The following CACNA1E variants were observed in gnomAD, a reference collection of about 807,000 sequenced individuals.
The protein encoded by CACNA1E is calcium voltage-gated channel subunit alpha1 E, also known as voltage-dependent R-type calcium channel subunit alpha-1E.
CACNA1E carries 40 observed loss-of-function variants against 259.2 expected under a neutral mutation model. That is an observed-to-expected ratio of 0.15 (90% CI 0.12 to 0.20). The LOEUF (loss-of-function observed/expected upper bound fraction) is 0.20. Among genes scored for constraint, CACNA1E ranks in the 10% least tolerant of loss-of-function variants. CACNA1E has a pLI of 1.00. For missense variants in CACNA1E, 1,874 were observed against 3,040.1 expected (o/e 0.62, Z 9.02); for synonymous variants, 1,104 against 1,138.5 (o/e 0.97, Z 0.61).
intron 7 of CACNA1E, among the ~76,000 whole-genome samples, chr1:181,670,553 G>A (rs1572548570): frequency 6.6e-6 from 1 of 152,204 alleles, no homozygotes; most frequent in South Asian, 2.1e-4. Context: ...GCATTTGAGG[G>A]CATTTGGGGC....
intron 18 of CACNA1E, among the ~76,000 whole-genome samples, chr1:181,726,838 G>A (rs1175196333): frequency 6.6e-6 from 1 of 152,134 alleles, no homozygotes; most frequent in Non-Finnish European, 1.5e-5. Flanking sequence ...TTTAGACTAG[G>A]GTGGGGGAAG....
At chr1:181,693,672 A>G (rs1255136924) in intron 7 of CACNA1E, among the ~76,000 whole-genome samples, 1 of 152,028 alleles carries the variant, frequency 6.6e-6, no homozygotes, top group Admixed American at 6.6e-5. Context: ...TAGAGGGTTG[A>G]AAAACTGTTG....
At chr1:181,429,118 G>A (rs1252017084) in intron 2 of CACNA1E, among the ~76,000 whole-genome samples, 1 of 152,120 alleles carries the variant, frequency 6.6e-6, no homozygotes, top group Non-Finnish European at 1.5e-5. Flanking sequence ...GGAAGCAGAG[G>A]TTACAGTCAA....
chr1:181,523,127 G>A (rs1667112135), intron 3 of CACNA1E, among the ~76,000 whole-genome samples: 1 of 147,086 alleles, frequency 6.8e-6, no homozygotes. Flanking sequence ...CTGACCTCCA[G>A]TCCTTCTTCT....
chr1:181,418,761 C>G (rs1347477155), intron 2 of CACNA1E, among the ~76,000 whole-genome samples: 1 of 151,894 alleles, frequency 6.6e-6, no homozygotes, highest in African/African-American at 2.4e-5. Flanking sequence ...CAGTGTCTCC[C>G]CCCTCAAAAT....
chr1:181,642,635 G>A (rs1227556274), intron 6 of CACNA1E, among the ~76,000 whole-genome samples: 3 of 152,200 alleles, frequency 2.0e-5, no homozygotes, highest in African/African-American at 7.2e-5. Flanking sequence ...CCTGTAGAAG[G>A]GGCAAAGGGG....
chr1:181,470,124 C>T (rs747286427), intron 2 of CACNA1E, among the ~76,000 whole-genome samples: 20 of 151,808 alleles, frequency 1.3e-4, no homozygotes, highest in South Asian at 6.2e-4. Flanking sequence ...AGAGAGAGCA[C>T]GAGAGCACAC....
At chr1:181,500,964 G>A (rs1665198515) in intron 1 of CACNA1E, among the ~76,000 whole-genome samples, 1 of 152,196 alleles carries the variant, frequency 6.6e-6, no homozygotes, top group African/African-American at 2.4e-5. Context: ...GCACCTCATA[G>A]TCATCTTCCC....
chr1:181,440,544 G>A (rs1321491838), intron 2 of CACNA1E, among the ~76,000 whole-genome samples: 2 of 152,152 alleles, frequency 1.3e-5, no homozygotes, highest in Non-Finnish European at 2.9e-5. Context: ...GTTTGAACCT[G>A]CAGGGTAGGC....
chr1:181,589,434 C>T (rs1040781292), intron 6 of CACNA1E, among the ~76,000 whole-genome samples: 1 of 152,112 alleles, frequency 6.6e-6, no homozygotes, highest in Admixed American at 6.6e-5. Context: ...CAAGAAGGGG[C>T]AATAAGTCAG....
chr1:181,601,739 A>C (rs1262971154), intron 6 of CACNA1E, among the ~76,000 whole-genome samples: 1 of 152,074 alleles, frequency 6.6e-6, no homozygotes, highest in Non-Finnish European at 1.5e-5. Flanking sequence ...ACTTCAGAAC[A>C]TCCTTATGAT....
chr1:181,583,358 C>A (rs565524661), intron 6 of CACNA1E, among the ~76,000 whole-genome samples: 11 of 152,314 alleles, frequency 7.2e-5, no homozygotes, highest in African/African-American at 2.6e-4. Flanking sequence ...AGGCCCAGTT[C>A]ACCCAGCTGC....
intron 1 of CACNA1E, among the ~76,000 whole-genome samples, chr1:181,347,008 A>T (rs985960714): frequency 2.6e-5 from 4 of 152,230 alleles, no homozygotes; most frequent in African/African-American, 9.6e-5. Flanking sequence ...TCACTGACTG[A>T]CAGTCTTGGG....
At chr1:181,527,864 G>A (rs1248471314) in intron 3 of CACNA1E, among the ~76,000 whole-genome samples, 1 of 151,328 alleles carries the variant, frequency 6.6e-6, no homozygotes, top group Admixed American at 6.6e-5. Flanking sequence ...GTAATAAATG[G>A]TTTGTTTTTA....
At position 181,798,032 on chromosome 1, in the gene CACNA1E, G is replaced by T. The variant is rs745351250; in HGVS notation, c.6400-260G>T. On this transcript the variant is annotated intron_variant, in intron 47 of 47. Transcript: ENST00000367573. This position sits in a 1 kb window ranked among gnomAD's most constrained non-coding sequence, Gnocchi z 4.2. ...ATGCAAAATCTCAGTCCTTGCCCCA[G>T]ATCTTCTGAGCCTGCATCTGCAGTT... is the stretch of plus-strand genomic sequence containing the variant. Among the ~76,000 whole-genome samples, 36 of 152,194 alleles carry T rather than the reference G, an allele frequency of 2.4e-4. No homozygotes were observed. Among genetic ancestry groups the T allele is most frequent in the Non-Finnish European group, 4.6e-4 (31 of 68,034 alleles).
chr1:181,467,749 T>C (rs1414910221), intron 2 of CACNA1E, among the ~76,000 whole-genome samples: 1 of 152,206 alleles, frequency 6.6e-6, no homozygotes, highest in Non-Finnish European at 1.5e-5. Context: ...GGTTCCTGCA[T>C]TCCTGGTCAT....
intron 3 of CACNA1E, among the ~76,000 whole-genome samples, chr1:181,569,924 T>TA (rs1650236305): frequency 6.6e-6 from 1 of 152,254 alleles, no homozygotes; most frequent in South Asian, 2.1e-4. Context: ...ATAAGAACTG[T>TA]ATGTAATTGG....
chr1:181,332,901 C>T (rs892987870), intron 1 of CACNA1E, among the ~76,000 whole-genome samples: 3 of 152,250 alleles, frequency 2.0e-5, no homozygotes, highest in Admixed American at 1.3e-4. Flanking sequence ...GGATCACCCT[C>T]GATCAAGGCT....
chr1:181,384,261 C>T (rs1655676072), intron 1 of CACNA1E, among the ~76,000 whole-genome samples: 1 of 152,184 alleles, frequency 6.6e-6, no homozygotes, highest in Non-Finnish European at 1.5e-5. Flanking sequence ...TGAGGGATAC[C>T]TGCTGATTCA....
Sources: allele counts gnomAD v4.1 joint callset (sites outside exome capture counted in the v4.1 genomes callset), GRCh38; gene constraint gnomAD v4.1.1; non-coding constraint Gnocchi (gnomAD v3.1); transcripts MANE v1.5; gene names NCBI Gene and HGNC (gene_info 2026-07-23, HGNC 2026-07-21).